GKAP1: variants seen among roughly 807,000 people sequenced by gnomAD.
The protein encoded by GKAP1 is G kinase anchoring protein 1, also known as G kinase-anchoring protein 1.
A neutral mutation model predicts 56.7 loss-of-function variants in GKAP1; 31 were observed. The ratio of observed to expected loss-of-function variants is 0.55; its 90% confidence interval spans 0.41 to 0.74. GKAP1 has a LOEUF of 0.74. Among genes scored for constraint, GKAP1 ranks in the 30% least tolerant of loss-of-function variants. The pLI, the probability that GKAP1 is intolerant of heterozygous loss-of-function variation, is 0.00. For missense variants in GKAP1, 364 were observed against 402.3 expected (o/e 0.90, Z 0.82); for synonymous variants, 151 against 138.6 (o/e 1.09, Z -0.63).
chr9:83,765,073 G>A (rs1452952072), intron 8 of GKAP1, among the ~76,000 whole-genome samples: 2 of 152,322 alleles, frequency 1.3e-5, no homozygotes, highest in African/African-American at 4.8e-5. Flanking sequence ...AGCCTAGGAG[G>A]GAAAATTGGT....
At chr9:83,788,792 T>C in intron 4 of GKAP1, 114 bp from the exon 5 acceptor site, 2 of 576,544 alleles carry the variant, frequency 3.5e-6, no homozygotes, top group South Asian at 2.8e-5. Context: ...TAAAAAACAA[T>C]ATGGATTCTC....
intron 3 of GKAP1, among the ~76,000 whole-genome samples, chr9:83,803,372 C>T (rs1218250880): frequency 2.0e-5 from 3 of 152,104 alleles, no homozygotes; most frequent in African/African-American, 7.2e-5. Flanking sequence ...CCTGCCTCAG[C>T]CTGCCGAGTG....
intron 4 of GKAP1, chr9:83,792,981 C>A: frequency 7.8e-7 from 1 of 1,278,444 alleles, no homozygotes; most frequent in Non-Finnish European, 1.0e-6. Flanking sequence ...TTCAGATCCC[C>A]TTCCTCTTGA....
intron 3 of GKAP1, among the ~76,000 whole-genome samples, chr9:83,804,523 T>TG (rs1298369300): frequency 3.9e-5 from 2 of 51,486 alleles, no homozygotes; most frequent in Admixed American, 1.6e-4. Flanking sequence ...GGGAGGGAGG[T>TG]GGGGGGGTCA....
At chr9:83,747,454 C>T (rs779336765) in intron 10 of GKAP1, among the ~76,000 whole-genome samples, 1 of 152,132 alleles carries the variant, frequency 6.6e-6, no homozygotes, top group African/African-American at 2.4e-5. Context: ...AGGCTGCCTC[C>T]TTCAATAACT....
rs114770837 is a variant in GKAP1, at chr9:83,786,091, A to G, written c.439-1253T>C. On this transcript the variant is annotated intron_variant, in intron 5 of 12. Transcript: ENST00000376371. ...AATCCTTTCCTAAAACCCATCCCCA[A>G]CAAAGGCACTGAAAAGCCTTCTATT... is the stretch of plus-strand genomic sequence containing the variant. 2.8e-3 allele frequency among the ~76,000 whole-genome samples: 419 copies of G among 152,256 alleles called. 2 individuals are homozygous for G. The highest frequency in any genetic ancestry group is 9.6e-3 in the African/African-American group (400 of 41,554).
At chr9:83,752,808 T>A (rs145676459) in intron 9 of GKAP1, among the ~76,000 whole-genome samples, 15,478 of 152,140 alleles carry the variant, frequency 0.1, 1,013 homozygotes, top group Non-Finnish European at 0.14. Context: ...CGGTGGCTCA[T>A]GCCTGTAATC....
At chr9:83,810,255 A>T (rs1944489436) in intron 2 of GKAP1, among the ~76,000 whole-genome samples, 1 of 152,254 alleles carries the variant, frequency 6.6e-6, no homozygotes, top group Admixed American at 6.5e-5. Context: ...CTACTCATAC[A>T]AATGAAATTT....
chr9:83,816,566 T>C (rs1944602657), intron 2 of GKAP1, among the ~76,000 whole-genome samples: 1 of 152,246 alleles, frequency 6.6e-6, no homozygotes, highest in African/African-American at 2.4e-5. Context: ...ATTTTTAATA[T>C]TTTAATTTGC....
At chr9:83,752,931 C>A (rs182413259) in intron 9 of GKAP1, among the ~76,000 whole-genome samples, 1 of 151,970 alleles carries the variant, frequency 6.6e-6, no homozygotes, top group African/African-American at 2.4e-5. Context: ...ATTAGCCGGG[C>A]GTGGTGGCTC....
chr9:83,817,028 T>C lies in GKAP1; in HGVS notation c.-76A>G, dbSNP rs975342497. ...ATGAATGAAAGCCAAATTTCACCCA[T>C]AGGCTGTTAACCGATGCTCCGAAAC... On this transcript the variant is annotated 5_prime_UTR_variant, in exon 2 of 13. It removes an upstream start codon present in the reference 5' UTR. Coordinates refer to ENST00000376371, the MANE Select transcript of GKAP1 (RefSeq NM_025211.4). The C allele has an allele frequency of 2.6e-5, 4 of 152,128 alleles. No homozygotes were observed. The highest frequency in any genetic ancestry group is 7.2e-5 in the African/African-American group (3 of 41,440). The allele number at this position is 152,128 out of a possible 1,614,324, so 9.4% of individuals were successfully genotyped here.
At chr9:83,762,694 C>A (rs1403156490) in intron 8 of GKAP1, among the ~76,000 whole-genome samples, 3 of 151,996 alleles carry the variant, frequency 2.0e-5, no homozygotes, top group Non-Finnish European at 4.4e-5. Flanking sequence ...CTGGCATAAA[C>A]ACACACACAC....
At chr9:83,786,671 T>C (rs1198726912) in intron 5 of GKAP1, among the ~76,000 whole-genome samples, 3 of 152,242 alleles carry the variant, frequency 2.0e-5, no homozygotes, top group African/African-American at 4.8e-5. Flanking sequence ...TATTGACTTT[T>C]ATCTCAATGA....
intron 7 of GKAP1, among the ~76,000 whole-genome samples, chr9:83,779,342 G>C (rs1943913860): frequency 6.6e-6 from 1 of 150,380 alleles, no homozygotes; most frequent in Admixed American, 6.7e-5. Flanking sequence ...AAATTATTTA[G>C]ATGTGATTTT....
intron 8 of GKAP1, among the ~76,000 whole-genome samples, chr9:83,757,875 T>C (rs1943503502): frequency 6.6e-6 from 1 of 151,142 alleles, no homozygotes; most frequent in Non-Finnish European, 1.5e-5. Flanking sequence ...TCTGGATATC[T>C]AGATAAAATG....
At chr9:83,777,216 T>C (rs1005062946) in intron 7 of GKAP1, among the ~76,000 whole-genome samples, 1 of 152,222 alleles carries the variant, frequency 6.6e-6, no homozygotes, top group Non-Finnish European at 1.5e-5. Context: ...TATTGAAGAC[T>C]GGATCATTTA....
intron 7 of GKAP1, among the ~76,000 whole-genome samples, chr9:83,779,448 T>TATATATACACAC (rs1554742273): frequency 1.0e-4 from 12 of 119,612 alleles, no homozygotes; most frequent in African/African-American, 2.8e-4. Context: ...TATATATATA[T>TATATATACACAC]ACACACACAC....
At chr9:83,780,278 G>T (rs1943947566) in intron 7 of GKAP1, 104 bp downstream of exon 7, 1 of 692,324 alleles carries the variant, frequency 1.4e-6, no homozygotes, top group Non-Finnish European at 2.5e-6. Context: ...CCTATGGGTT[G>T]TCCTTTAAAT....
At chr9:83,741,200 C>A (rs1246842722) in intron 12 of GKAP1, among the ~76,000 whole-genome samples, 2 of 152,186 alleles carry the variant, frequency 1.3e-5, no homozygotes, top group African/African-American at 2.4e-5. Context: ...AAAGGGAATT[C>A]TCTTTCTAGG....
Sources: gnomAD v4.1 joint callset for allele counts (sites outside exome capture counted in the v4.1 genomes callset) on GRCh38, gnomAD v4.1.1 for gene constraint, MANE v1.5 for transcripts, NCBI Gene and HGNC (gene_info 2026-07-23, HGNC 2026-07-21) for gene names.